PNKD: variants seen among roughly 807,000 people sequenced by gnomAD.
PNKD encodes the protein PNKD metallo-beta-lactamase domain containing, also known as probable thioesterase PNKD.
In PNKD, 36 loss-of-function variants were observed where a neutral mutation model predicts 45.3. The ratio of observed to expected loss-of-function variants is 0.80; its 90% CI spans 0.61 to 1.05. PNKD has a LOEUF of 1.05. Among genes scored for constraint, PNKD ranks in the 50% least tolerant of loss-of-function variants. The pLI, the probability that PNKD is intolerant of heterozygous loss-of-function variation, is 0.00. For missense variants in PNKD, 511 were observed against 506.6 expected (o/e 1.01, Z -0.08); for synonymous variants, 197 against 210.1 (o/e 0.94, Z 0.54).
chr2:218,341,403 G>A (rs998615185), intron 5 of PNKD, 131 bp from the exon 6 acceptor site: 3 of 628,192 alleles, frequency 4.8e-6, no homozygotes, highest in South Asian at 3.9e-5. Context: ...AAGGCCTAGA[G>A]GTGTGGACAA....
intron 2 of PNKD, chr2:218,323,502 G>A: frequency 2.2e-6 from 3 of 1,378,978 alleles, no homozygotes; most frequent in South Asian, 1.4e-5. Flanking sequence ...TGGGAGGCGG[G>A]GGCTGGAGCT....
At chr2:218,329,692 T>C (rs4674290) in intron 2 of PNKD, among the ~76,000 whole-genome samples, 151,324 of 152,372 alleles carry the variant, frequency 0.99, 75,149 homozygotes, top group East Asian at 1. Context: ...CCCTCTCCTG[T>C]GCATGCGGAA....
chr2:218,333,303 G>A (rs1384427043), intron 2 of PNKD, among the ~76,000 whole-genome samples: 2 of 152,142 alleles, frequency 1.3e-5, no homozygotes, highest in East Asian at 3.8e-4. Flanking sequence ...TGTTTACTGC[G>A]GCTTCTTGGT....
intron 2 of PNKD, among the ~76,000 whole-genome samples, chr2:218,325,960 G>C (rs1265298730): frequency 6.6e-6 from 1 of 152,142 alleles, no homozygotes; most frequent in African/African-American, 2.4e-5. Flanking sequence ...TCCCCAGGGG[G>C]AGATGCTGCT....
intron 2 of PNKD, chr2:218,278,670 A>AG (rs1691521722): frequency 2.4e-6 from 3 of 1,260,642 alleles, no homozygotes; most frequent in Non-Finnish European, 3.5e-6. Flanking sequence ...TGGAAGTCTG[A>AG]GGGGAAGCAA....
intron 2 of PNKD, among the ~76,000 whole-genome samples, chr2:218,338,694 G>T (rs1694572462): frequency 6.6e-6 from 1 of 151,816 alleles, no homozygotes; most frequent in African/African-American, 2.4e-5. Flanking sequence ...ATGTTAGTCA[G>T]GCTGGTCTTG....
chr2:218,277,379 C>G (rs1459565185), intron 2 of PNKD: 1 of 1,614,014 alleles, frequency 6.2e-7, no homozygotes, highest in African/African-American at 1.3e-5. Flanking sequence ...GGTCTGAAAG[C>G]AGAAGATGGT....
intron 2 of PNKD, among the ~76,000 whole-genome samples, chr2:218,328,632 G>A (rs879461939): frequency 3.3e-5 from 5 of 152,196 alleles, no homozygotes; most frequent in Admixed American, 1.3e-4. Flanking sequence ...TAGGTAAGAT[G>A]CACCTCCCTC....
chr2:218,277,830 G>A (rs573599209), intron 2 of PNKD: 330 of 1,562,088 alleles, frequency 2.1e-4, no homozygotes, highest in Non-Finnish European at 9.1e-5. Context: ...AGATAAGGTG[G>A]AGGAGACAGC....
At chr2:218,284,537 T>C (rs1204648722) in intron 2 of PNKD, among the ~76,000 whole-genome samples, 1 of 152,246 alleles carries the variant, frequency 6.6e-6, no homozygotes, top group Non-Finnish European at 1.5e-5. Flanking sequence ...CAGCGGGTGC[T>C]GACTCAGAGC....
rs112516929 is a variant in PNKD, at chr2:218,339,752, G to T, written c.237-31G>T. ...AGTCTAGGGGAGCTAGGGAGAAAAG[G>T]CTAATCATAGGCCACCCACTCGCCC... On this transcript the variant is annotated intron_variant, in intron 2 of 9. Coordinates refer to ENST00000273077, the MANE Select transcript of PNKD (RefSeq NM_015488.5). The T allele has an allele frequency of 3.6e-3, 4,989 of 1,386,824 alleles. 136 individuals carry two copies. In the African/African-American group the frequency reaches 0.061, roughly 17 times the overall value. 85.9% of individuals were successfully genotyped at this position (1,386,824 alleles called of 1,614,324 possible).
intron 2 of PNKD, chr2:218,278,583 G>C: frequency 1.2e-6 from 2 of 1,614,072 alleles, no homozygotes; most frequent in Non-Finnish European, 1.7e-6. Context: ...CAAAGAGATG[G>C]GGAAGCAGTT....
Position 218,340,760 on chromosome 2 carries a change from C to T in PNKD, c.498C>T (p.Val166=), listed in dbSNP as rs376951824. ...ASIEKEGVTL[V]AILCTHKHWD... Reference sequence around the variant, plus strand: ...TTGAAAAGGAAGGGGTCACCTTGGTCGCCATTCTGTGTACTCACAAGCACT... The same window carrying T: ...TTGAAAAGGAAGGGGTCACCTTGGTTGCCATTCTGTGTACTCACAAGCACT... The change falls in exon 5 of 10, where the codon GTC becomes GTT. Residue 166 remains valine, a synonymous_variant. Coordinates refer to ENST00000273077, the MANE Select transcript of PNKD (RefSeq NM_015488.5). This position sits in a 1 kb window ranked among gnomAD's most constrained non-coding sequence, Gnocchi z 4.2. 49 of 1,613,876 alleles carry T rather than the reference C, an allele frequency of 3.0e-5. No homozygotes were observed. Among genetic ancestry groups the T allele is most frequent in the African/African-American group, 1.9e-4 (14 of 74,946 alleles).
chr2:218,333,302 C>T (rs7560460), intron 2 of PNKD, among the ~76,000 whole-genome samples: 49,276 of 152,048 alleles, frequency 0.32, 8,773 homozygotes, highest in Middle Eastern at 0.41. Flanking sequence ...TTGTTTACTG[C>T]GGCTTCTTGG....
chr2:218,270,570 G>A lies in PNKD; in HGVS notation c.35G>A (p.Gly12Asp). The change falls in exon 1 of 10, where the codon GGC becomes GAC. Residue 12 changes from glycine to aspartate, a missense_variant. Coordinates refer to ENST00000273077, the MANE Select transcript of PNKD (RefSeq NM_015488.5). ...AAVVAATALK[G>D]RGARNARVLR... ...GTGGTAGCTGCTACGGCGCTGAAGGGCCGGGGGGCGAGAAATGCCCGCGTC... is the reference window on the plus strand; with the variant it reads ...GTGGTAGCTGCTACGGCGCTGAAGGACCGGGGGGCGAGAAATGCCCGCGTC... 1 of 1,201,806 alleles carries A rather than the reference G, an allele frequency of 8.3e-7. No homozygotes were observed. Among genetic ancestry groups the A allele is most frequent in the Middle Eastern group, 2.1e-4 (1 of 4,728 alleles). 74.4% of individuals were successfully genotyped at this position (1,201,806 alleles called of 1,614,324 possible). A position where few individuals can be genotyped will look rare whatever the true frequency, so the allele number is the denominator to read the frequency against.
At chr2:218,282,028 G>C in intron 2 of PNKD, 1 of 1,608,154 alleles carries the variant, frequency 6.2e-7, no homozygotes, top group Non-Finnish European at 8.5e-7. Flanking sequence ...AGCCAGGGTA[G>C]GCAGGATACC....
chr2:218,300,116 T>C (rs1293692704), intron 2 of PNKD, among the ~76,000 whole-genome samples: 2 of 152,168 alleles, frequency 1.3e-5, no homozygotes, highest in African/African-American at 2.4e-5. Flanking sequence ...TGGATTCCAA[T>C]ATTATAATTA....
intron 2 of PNKD, among the ~76,000 whole-genome samples, chr2:218,308,408 CA>C (rs1003457212): frequency 1.6e-4 from 25 of 152,082 alleles, no homozygotes; most frequent in African/African-American, 5.8e-4. Context: ...AGGCTGTTCT[CA>C]AACTCCTAAG....
At chr2:218,311,600 C>A (rs1002029301) in intron 2 of PNKD, among the ~76,000 whole-genome samples, 2 of 152,190 alleles carry the variant, frequency 1.3e-5, no homozygotes, top group African/African-American at 4.8e-5. Flanking sequence ...CTCAGTGTAG[C>A]AAAGAGCGAC....
Sources: gnomAD v4.1 joint callset for allele counts (sites outside exome capture counted in the v4.1 genomes callset) on GRCh38, gnomAD v4.1.1 for gene constraint, Gnocchi (gnomAD v3.1) non-coding constraint, MANE v1.5 for transcripts, NCBI Gene and HGNC (gene_info 2026-07-23, HGNC 2026-07-21) for gene names.